CUX1: variants seen among roughly 807,000 people sequenced by gnomAD.
CUX1 encodes cut like homeobox 1, also known as protein CASP.
Under a neutral mutation model 158.8 loss-of-function variants are expected in CUX1, and 31 were observed. That is an observed-to-expected ratio of 0.20 (90% CI 0.15 to 0.26). The LOEUF (loss-of-function observed/expected upper bound fraction) is 0.26. CUX1 is among the 10% of genes least tolerant of loss of function. CUX1 has a pLI of 1.00. For synonymous variants in CUX1, 879 were observed against 862.1 expected (o/e 1.02, Z -0.34); for missense variants, 1,589 against 2,014.6 (o/e 0.79, Z 4.04).
At chr7:101,969,241 G>T (rs1811614129) in intron 2 of CUX1, among the ~76,000 whole-genome samples, 1 of 151,774 alleles carries the variant, frequency 6.6e-6, no homozygotes, top group Non-Finnish European at 1.5e-5. Flanking sequence ...AGGCTGAGGT[G>T]GGAGGATTGC....
intron 20 of CUX1, among the ~76,000 whole-genome samples, chr7:102,216,885 T>TCACA (rs35680063): frequency 2.7e-5 from 4 of 149,502 alleles, no homozygotes; most frequent in African/African-American, 9.9e-5. Flanking sequence ...ACACATTATC[T>TCACA]CACACACACA....
At chr7:102,283,071 C>G (rs782136454) in exon 23 of CUX1, 9 of 1,613,574 alleles carry the variant, frequency 5.6e-6, no homozygotes, top group Non-Finnish European at 7.6e-6. Flanking sequence ...GGGGCTGCGG[C>G]TGGTGACTTG....
At chr7:102,178,389 G>T in intron 10 of CUX1, 80 bp from the exon 11 acceptor site, 1 of 1,338,546 alleles carries the variant, frequency 7.5e-7, no homozygotes, top group Non-Finnish European at 1.0e-6. Context: ...TGCAGCTTCT[G>T]TCTCAGTTGC....
chr7:101,901,414 C>T (rs1802127722), intron 1 of CUX1, among the ~76,000 whole-genome samples: 2 of 152,124 alleles, frequency 1.3e-5, no homozygotes, highest in African/African-American at 4.8e-5. Context: ...CTGCCTCAGC[C>T]TCCCGAGTAA....
At chr7:102,077,418 A>G (rs976278748) in intron 4 of CUX1, among the ~76,000 whole-genome samples, 2 of 151,144 alleles carry the variant, frequency 1.3e-5, no homozygotes, top group Non-Finnish European at 2.9e-5. Context: ...GATCGGGCGC[A>G]GTGGCTTACT....
At chr7:102,021,447 A>C (rs1483757614) in intron 2 of CUX1, among the ~76,000 whole-genome samples, 2 of 152,038 alleles carry the variant, frequency 1.3e-5, no homozygotes, top group African/African-American at 2.4e-5. Flanking sequence ...AGATAGGACT[A>C]CAAGCCTGCA....
chr7:102,197,055 CGAG>C lies in CUX1; in HGVS notation c.1648_1650del (p.Glu550del). 6 of 1,614,170 alleles carry C rather than the reference CGAG, an allele frequency of 3.7e-6. No homozygotes were observed. Among genetic ancestry groups the C allele is most frequent in the Non-Finnish European group, 5.1e-6 (6 of 1,180,038 alleles). On this transcript the variant is annotated inframe_deletion, in exon 15 of 24. Transcript: ENST00000292535. The stretch of plus-strand genomic sequence containing the variant: ...AAAGTGCTGGGAGCGTCTCCGAGGG[CGAG>C]GAGATGGACACTGCAGAAATCGCCC...
At chr7:101,993,529 G>A (rs919435650) in intron 2 of CUX1, among the ~76,000 whole-genome samples, 3 of 152,248 alleles carry the variant, frequency 2.0e-5, no homozygotes, top group Non-Finnish European at 4.4e-5. Context: ...ATAGTATGTC[G>A]GAGCTGCTGA....
intron 3 of CUX1, among the ~76,000 whole-genome samples, chr7:102,045,833 T>C (rs1822712489): frequency 6.6e-6 from 1 of 152,124 alleles, no homozygotes. Flanking sequence ...TCGGGCAGAG[T>C]GGGCCTTCCC....
rs866000563 is a variant in CUX1, at chr7:102,012,804, A to C, written c.142-15294A>C. Among the ~76,000 whole-genome samples, 3 of 152,264 alleles carry C rather than the reference A, an allele frequency of 2.0e-5. No homozygotes were observed. The South Asian group carries it at 6.2e-4, about 32-fold the overall frequency. ...GAATGAAGCAAGCATTCCCCCAGAG[A>C]ATTCTTAAATCATCTTAGCCGGTCA... On this transcript the variant is annotated intron_variant, in intron 2 of 23. Transcript: ENST00000292535.
chr7:101,825,340 T>TAC (rs1793135724), intron 1 of CUX1, among the ~76,000 whole-genome samples: 1 of 152,214 alleles, frequency 6.6e-6, no homozygotes, highest in African/African-American at 2.4e-5. Context: ...ACTCGTTGCT[T>TAC]ACACAGTAAC....
Position 102,199,731 on chromosome 7 carries a change from C to T in CUX1, c.1961-340C>T, listed in dbSNP as rs577484466. 5.9e-5 allele frequency among the ~76,000 whole-genome samples: 9 copies of T among 152,350 alleles called. No individual in the cohort carries two copies. In the South Asian group the frequency reaches 1.9e-3, roughly 32 times the overall value. The stretch of plus-strand genomic sequence containing the variant: ...GAGGAGAGTCAGTCCCAAGCCACAG[C>T]AGTTGCTTCTAAGTGACTCATGAGA... On this transcript the variant is annotated intron_variant, in intron 16 of 23. Transcript: ENST00000292535.
intron 11 of CUX1, among the ~76,000 whole-genome samples, chr7:102,189,137 A>C (rs782427014): frequency 3.9e-5 from 6 of 152,102 alleles, no homozygotes; most frequent in Non-Finnish European, 8.8e-5. Flanking sequence ...TCAATACAAA[A>C]GGGCTGTGTC....
At chr7:102,003,800 A>G (rs576376434) in intron 2 of CUX1, among the ~76,000 whole-genome samples, 1 of 152,110 alleles carries the variant, frequency 6.6e-6, no homozygotes, top group Admixed American at 6.6e-5. Context: ...ATAACATAGG[A>G]TATTAAATAT....
chr7:102,062,517 C>T (rs1259576953), intron 3 of CUX1, among the ~76,000 whole-genome samples: 2 of 152,102 alleles, frequency 1.3e-5, no homozygotes, highest in Admixed American at 6.5e-5. Flanking sequence ...ATTTGTCTTT[C>T]TCTTATTTTA....
intron 2 of CUX1, among the ~76,000 whole-genome samples, chr7:101,924,601 T>G (rs967051691): frequency 1.3e-5 from 2 of 151,890 alleles, no homozygotes; most frequent in African/African-American, 4.8e-5. Context: ...GGTCTTGCTC[T>G]GTGGCCCAGG....
chr7:102,230,352 G>A (rs782361988), intron 21 of CUX1, among the ~76,000 whole-genome samples: 4 of 151,788 alleles, frequency 2.6e-5, no homozygotes, highest in Non-Finnish European at 4.4e-5. Context: ...CAGGCATGGT[G>A]GCACCCGCTG....
At chr7:102,043,565 T>A (rs1171157720) in intron 3 of CUX1, among the ~76,000 whole-genome samples, 1 of 151,982 alleles carries the variant, frequency 6.6e-6, no homozygotes, top group Non-Finnish European at 1.5e-5. Flanking sequence ...CTAGCACCAA[T>A]CTCCTGCGTG....
At chr7:102,095,787 C>T (rs1032655265) in intron 4 of CUX1, among the ~76,000 whole-genome samples, 3 of 152,192 alleles carry the variant, frequency 2.0e-5, no homozygotes, top group Non-Finnish European at 4.4e-5. Context: ...GGCGCCCATA[C>T]CAGAAATATA....
Sources: allele counts gnomAD v4.1 joint callset (sites outside exome capture counted in the v4.1 genomes callset), GRCh38; gene constraint gnomAD v4.1.1; transcripts MANE v1.5; gene names NCBI Gene and HGNC (gene_info 2026-07-23, HGNC 2026-07-21).